Variants in MTERF3 observed in about 807,000 individuals in gnomAD.
MTERF3 encodes the protein transcription termination factor 3, mitochondrial.
In MTERF3, 40 loss-of-function variants were observed where a neutral mutation model predicts 40.5. The ratio of observed to expected loss-of-function variants is 0.99; its 90% CI spans 0.77 to 1.29. MTERF3 has a LOEUF of 1.29. Among genes scored for constraint, MTERF3 ranks in the 50% most tolerant of loss-of-function variants. The pLI, the probability that MTERF3 is intolerant of heterozygous loss-of-function variation, is 0.00. For missense variants in MTERF3, 452 were observed against 478.2 expected (o/e 0.95, Z 0.51); for synonymous variants, 158 against 166.6 (o/e 0.95, Z 0.40).
At chr8:96,239,783 C>G in intron 7 of MTERF3, 98 bp from the exon 8 acceptor site, 1 of 800,390 alleles carries the variant, frequency 1.2e-6, no homozygotes, top group Non-Finnish European at 2.1e-6. Flanking sequence ...TAACCAATAC[C>G]AAGTACTGAC....
chr8:96,245,932 C>T lies in MTERF3; in HGVS notation c.826-1G>A. The stretch of plus-strand genomic sequence containing the variant: ...GGAGACGAACTACCAGATCTCTAGT[C>T]TGTGGTTGCAAACAAAACAATCTAG... On this transcript the variant is annotated splice_acceptor_variant, in intron 5 of 7. Transcript: ENST00000287025. LOFTEE classifies it high-confidence loss of function. 1.2e-6 allele frequency: 2 copies of T among 1,613,344 alleles called. No individual in the cohort carries two copies. Among genetic ancestry groups the T allele is most frequent in the Non-Finnish European group, 1.7e-6 (2 of 1,179,680 alleles).
rs1321880171 is a variant in MTERF3 at position 96,239,516 on chromosome 8, A to G, written c.1229T>C (p.Phe410Ser). 4 of 1,594,264 alleles carry G rather than the reference A, an allele frequency of 2.5e-6. No homozygotes were observed. Reference sequence around the variant, plus strand: ...CTAAAGCGTTTTTAAGAATTTTTCAAAGTCCTGTACTGATGCTTTGGCAAT... The same window carrying G: ...CTAAAGCGTTTTTAAGAATTTTTCAGAGTCCTGTACTGATGCTTTGGCAAT... ...EEIAKASVQD[F>S]EKFLKTL The change falls in exon 8 of 8, where the codon TTT becomes TCT. Residue 410 changes from phenylalanine (F) to serine (S), a missense_variant. Coordinates refer to ENST00000287025, the MANE Select transcript of MTERF3 (RefSeq NM_015942.5).
intron 2 of MTERF3, among the ~76,000 whole-genome samples, chr8:96,257,883 G>A (rs1429690198): frequency 1.3e-5 from 2 of 152,038 alleles, no homozygotes; most frequent in Non-Finnish European, 2.9e-5. Flanking sequence ...AATATTCCTA[G>A]AATAGGACCC....
chr8:96,260,823 C>A (rs1225648165), intron 1 of MTERF3, among the ~76,000 whole-genome samples: 1 of 152,258 alleles, frequency 6.6e-6, no homozygotes, highest in African/African-American at 2.4e-5. Flanking sequence ...GGTCTCATCC[C>A]TGGATCCATC....
Position 96,251,331 on chromosome 8 carries a change from C to A in MTERF3, c.488-236G>T, listed in dbSNP as rs1453216816. Among the ~76,000 whole-genome samples, 3 of 152,194 alleles carry A rather than the reference C, an allele frequency of 2.0e-5. No homozygotes were observed. In the East Asian group the frequency reaches 5.8e-4, roughly 29 times the overall value. ...GAGCATTTAGTGCTACATTTCCCCC[C>A]AAAACAAATTCACTAAGTCATATTG... On this transcript the variant is annotated intron_variant, in intron 3 of 7. Transcript: ENST00000287025.
intron 4 of MTERF3, among the ~76,000 whole-genome samples, chr8:96,248,499 TAC>T (rs1487245324): frequency 6.6e-6 from 1 of 152,252 alleles, no homozygotes; most frequent in African/African-American, 2.4e-5. Flanking sequence ...CATGTGTGTA[TAC>T]ACAGATATAT....
Position 96,246,427 on chromosome 8 carries a change from G to A in MTERF3, c.705C>T (p.Phe235=), listed in dbSNP as rs1810022560. Residue 235 remains phenylalanine (F), a synonymous_variant, in exon 5 of 8, where the codon TTC becomes TTT. Transcript: ENST00000287025. ...CCATCTGTGCAACATCTGCTTTACT[G>A]AAATTTTTTGAATGCAGATAAGCCA... ...TRVAYLHSKN[F]SKADVAQMVR... 6.2e-7 allele frequency: 1 copy of A among 1,610,060 alleles called. No homozygotes were observed. Among genetic ancestry groups the A allele is most frequent in the Non-Finnish European group, 8.5e-7 (1 of 1,178,800 alleles).
In MTERF3 at chr8:96,243,931, G is replaced by C; in HGVS notation, c.1047C>G (p.Val349=). 6.2e-7 allele frequency: 1 copy of C among 1,613,784 alleles called. No homozygotes were observed. The highest frequency in any genetic ancestry group is 8.5e-7 in the Non-Finnish European group (1 of 1,179,914). Reference sequence around the variant, plus strand: ...TGAGTGGCATTACCTGTGGGAACTTGACAATGATGTGGTGGGGAATGCTCA... The same window carrying C: ...TGAGTGGCATTACCTGTGGGAACTTCACAATGATGTGGTGGGGAATGCTCA... The part of the protein sequence containing the change: ...NVMSIPHHII[V]KFPQVFNTRL... The change falls in exon 7 of 8, where the codon GTC becomes GTG. Residue 349 remains valine (V), a synonymous_variant. Coordinates refer to ENST00000287025, the MANE Select transcript of MTERF3 (RefSeq NM_015942.5).
chr8:96,243,907 G>C lies in MTERF3; in HGVS notation c.1059+12C>G. 6.2e-7 allele frequency: 1 copy of C among 1,612,852 alleles called. No homozygotes were observed. The highest frequency in any genetic ancestry group is 8.5e-7 in the Non-Finnish European group (1 of 1,179,284). ...TGGCAGCGCTTACAGAGAGAGCTGT[G>C]AGTGGCATTACCTGTGGGAACTTGA... On this transcript the variant is annotated intron_variant, in intron 7 of 7. Transcript: ENST00000287025.
Position 96,250,622 on chromosome 8 carries a change from A to AGAC in MTERF3, c.677+283_677+284insGTC, listed in dbSNP as rs1563548620. ...CTACTTGGGAGGCTGAGGCAGAAGAAGAAGAAGAAGAAGAAGAAGAAGAAG... is the reference window on the plus strand; with the variant it reads ...CTACTTGGGAGGCTGAGGCAGAAGAAGACGAAGAAGAAGAAGAAGAAGAAGAAG... On this transcript the variant is annotated intron_variant, in intron 4 of 7. Coordinates refer to ENST00000287025, the MANE Select transcript of MTERF3 (RefSeq NM_015942.5). Among the ~76,000 whole-genome samples, 91 of 12,394 alleles carry AGAC rather than the reference A, an allele frequency of 7.3e-3. 3 individuals carry two copies. The highest frequency in any genetic ancestry group is 0.041 in the African/African-American group (84 of 2,050). The allele number at this position is 12,394 out of a possible 152,430, so 8.1% of individuals were successfully genotyped here. A position where few individuals can be genotyped will look rare whatever the true frequency, so the allele number is the denominator to read the frequency against.
At chr8:96,245,795 G>T in intron 6 of MTERF3, 65 bp downstream of exon 6, 2 of 1,410,350 alleles carry the variant, frequency 1.4e-6, no homozygotes, top group South Asian at 1.2e-5. Context: ...AGCAAAATCT[G>T]TTCTCTTCAG....
At chr8:96,239,983 G>A (rs780604328) in intron 7 of MTERF3, 99 of 583,156 alleles carry the variant, frequency 1.7e-4, no homozygotes, top group Non-Finnish European at 2.7e-4. Flanking sequence ...ATCTTCGGCC[G>A]GGCGTGGTGG....
chr8:96,250,203 A>T (rs1359992064), intron 4 of MTERF3, among the ~76,000 whole-genome samples: 1 of 152,164 alleles, frequency 6.6e-6, no homozygotes, highest in Non-Finnish European at 1.5e-5. Flanking sequence ...TAAGCAAATT[A>T]TACAGTAATT....
chr8:96,258,847 G>A (rs1407942617), intron 1 of MTERF3, 147 bp from the exon 2 acceptor site: 2 of 615,054 alleles, frequency 3.3e-6, no homozygotes, highest in Admixed American at 3.3e-5. Flanking sequence ...CTAAAATAGT[G>A]AGATGTTTCT....
intron 7 of MTERF3, 127 bp downstream of exon 7, chr8:96,243,792 C>CA (rs1028648239): frequency 1.0e-6 from 1 of 1,000,974 alleles, no homozygotes; most frequent in African/African-American, 1.6e-5. Flanking sequence ...GATTTCTCCT[C>CA]AGGAGATGGA....
intron 6 of MTERF3, 25 bp downstream of exon 6, chr8:96,245,835 C>G (rs779383429): frequency 6.2e-7 from 1 of 1,603,730 alleles, no homozygotes; most frequent in South Asian, 1.1e-5. Context: ...AAACTGATTT[C>G]TCAAAAAGCC....
intron 4 of MTERF3, among the ~76,000 whole-genome samples, chr8:96,250,695 G>GA (rs1810161874): frequency 1.6e-5 from 1 of 63,848 alleles, no homozygotes; most frequent in Non-Finnish European, 3.3e-5. Context: ...AGGAGGAGGA[G>GA]GGGGGGAGGG....
intron 1 of MTERF3, among the ~76,000 whole-genome samples, chr8:96,259,913 A>T (rs112054794): frequency 0.14 from 20,635 of 150,236 alleles, 1,809 homozygotes; most frequent in African/African-American, 0.25. Flanking sequence ...TATTATTATT[A>T]TTTTTTTTGA....
intron 2 of MTERF3, 65 bp from the exon 3 acceptor site, chr8:96,257,179 A>G (rs1317382398): frequency 2.7e-6 from 4 of 1,460,848 alleles, no homozygotes; most frequent in Non-Finnish European, 3.7e-6. Flanking sequence ...TGCAAAGACC[A>G]GCTCTTCCCT....
Sources: allele counts gnomAD v4.1 joint callset (sites outside exome capture counted in the v4.1 genomes callset), GRCh38; gene constraint gnomAD v4.1.1; transcripts MANE v1.5; gene names NCBI Gene and HGNC (gene_info 2026-07-23, HGNC 2026-07-21).